PTPN13: variants seen among roughly 807,000 people sequenced by gnomAD.
PTPN13 encodes tyrosine-protein phosphatase non-receptor type 13.
PTPN13 carries 191 observed loss-of-function variants against 284.0 expected under a neutral mutation model. The ratio of observed to expected loss-of-function variants is 0.67; its 90% CI spans 0.60 to 0.76. PTPN13 has a LOEUF of 0.76. PTPN13 is among the 30% of genes least tolerant of loss of function. PTPN13 has a pLI of 0.00. For missense variants in PTPN13, 2,797 were observed against 2,939.9 expected (o/e 0.95, Z 1.12); for synonymous variants, 986 against 1,022.3 (o/e 0.96, Z 0.68).
intron 1 of PTPN13, among the ~76,000 whole-genome samples, chr4:86,624,552 A>G (rs1721618531): frequency 6.6e-6 from 1 of 152,182 alleles, no homozygotes; most frequent in Non-Finnish European, 1.5e-5. Context: ...GAGCATGGTA[A>G]GGAAGTATTC....
chr4:86,694,559 CAA>C (rs1464427536), intron 6 of PTPN13, among the ~76,000 whole-genome samples: 8 of 52,064 alleles, frequency 1.5e-4, no homozygotes, highest in Admixed American at 1.5e-3. Flanking sequence ...GCCTGGGCAA[CAA>C]AGAGTGAACT....
chr4:86,667,388 T>C (rs534112313), intron 2 of PTPN13, among the ~76,000 whole-genome samples: 7 of 152,354 alleles, frequency 4.6e-5, no homozygotes, highest in African/African-American at 1.7e-4. Context: ...TTATCCTTTA[T>C]GGTATCAGAG....
intron 46 of PTPN13, among the ~76,000 whole-genome samples, 163 bp downstream of exon 46, chr4:86,810,147 T>C (rs1448714178): frequency 6.6e-6 from 1 of 152,228 alleles, no homozygotes; most frequent in Non-Finnish European, 1.5e-5. Context: ...TTTGTAAACA[T>C]TGGTATTCAA....
In PTPN13 at chr4:86,762,961, G is replaced by A. The variant is rs1738875003; in HGVS notation, c.3788G>A (p.Gly1263Asp). 3.1e-6 allele frequency: 5 copies of A among 1,613,676 alleles called. No individual in the cohort carries two copies. Among genetic ancestry groups the A allele is most frequent in the Non-Finnish European group, 4.2e-6 (5 of 1,179,834 alleles). Residue 1263 changes from glycine to aspartate, a missense_variant, in exon 24 of 48, where the codon GGT becomes GAT. By Grantham distance (94) the Gly-to-Asp change is moderately conservative. Transcript: ENST00000411767. ...SASLSQSQVNGFFASHLGDQT... is the reference protein window; with the variant it reads ...SASLSQSQVNDFFASHLGDQT... ...AGCTTGTCTCAAAGCCAGGTCAATG[G>A]TTTCTTTGCCAGCCATTTAGGTGAC...
At chr4:86,720,896 C>G (rs979284340) in intron 9 of PTPN13, among the ~76,000 whole-genome samples, 1 of 152,010 alleles carries the variant, frequency 6.6e-6, no homozygotes, top group African/African-American at 2.4e-5. Context: ...TTATACTGAG[C>G]TATCAAAAGC....
At chr4:86,792,571 G>A (rs190575160) in intron 40 of PTPN13, among the ~76,000 whole-genome samples, 16 of 151,624 alleles carry the variant, frequency 1.1e-4, no homozygotes, top group African/African-American at 3.9e-4. Context: ...TTCACCAAGG[G>A]TGCAATGAAG....
chr4:86,772,568 A>C (rs918437253), intron 31 of PTPN13, among the ~76,000 whole-genome samples: 8 of 152,086 alleles, frequency 5.3e-5, no homozygotes, highest in African/African-American at 9.7e-5. Context: ...ACAACAACAA[A>C]AAAAACCTAG....
At chr4:86,807,494 A>G (rs1020020131) in intron 44 of PTPN13, 66 bp from the exon 45 acceptor site, 2 of 1,223,780 alleles carry the variant, frequency 1.6e-6, no homozygotes, top group African/African-American at 1.5e-5. Flanking sequence ...GACTCATGCA[A>G]TTTGTAAGAC....
intron 23 of PTPN13, among the ~76,000 whole-genome samples, chr4:86,759,384 C>A (rs1302908674): frequency 1.3e-5 from 2 of 152,224 alleles, no homozygotes; most frequent in Non-Finnish European, 2.9e-5. Context: ...TTATCCCAGT[C>A]TTCAGTGGCT....
intron 45 of PTPN13, 82 bp downstream of exon 45, chr4:86,807,979 A>G (rs186895096): frequency 5.1e-5 from 61 of 1,207,006 alleles, no homozygotes; most frequent in East Asian, 4.6e-4. Context: ...TGATTGCACC[A>G]ATGTTATTTC....
chr4:86,613,973 GGAA>G (rs1275133808), intron 1 of PTPN13, among the ~76,000 whole-genome samples: 1 of 152,112 alleles, frequency 6.6e-6, no homozygotes, highest in Non-Finnish European at 1.5e-5. Context: ...CAGTGGAAAT[GGAA>G]GAAGAATATC....
chr4:86,709,658 A>G (rs982948006), intron 7 of PTPN13, among the ~76,000 whole-genome samples: 2 of 152,024 alleles, frequency 1.3e-5, no homozygotes, highest in Non-Finnish European at 1.5e-5. Flanking sequence ...TTCCTATTGA[A>G]CTCTGTACTC....
Position 86,762,856 on chromosome 4 carries a change from T to A in PTPN13, c.3683T>A (p.Ile1228Asn), listed in dbSNP as rs1392310339. The change falls in exon 24 of 48, where the codon ATC becomes AAC. Residue 1228 changes from isoleucine (I) to asparagine (N), a missense_variant. By Grantham distance (149) the Ile-to-Asn change is moderately radical. Coordinates refer to ENST00000411767, the MANE Select transcript of PTPN13 (RefSeq NM_080683.3). Reference protein sequence around the residue: ...HHWSRGTLRHISENSFGPSGG... With the variant: ...HHWSRGTLRHNSENSFGPSGG... ...TGGTCACGTGGTACCCTGAGGCACA[T>A]CTCGGAGAACTCCTTTGGGCCATCT... 1.9e-6 allele frequency: 3 copies of A among 1,613,790 alleles called. No individual in the cohort carries two copies. The Admixed American group carries it at 5.0e-5, about 27-fold the overall frequency.
intron 43 of PTPN13, 146 bp downstream of exon 43, chr4:86,804,003 T>A: frequency 3.7e-6 from 3 of 815,394 alleles, no homozygotes; most frequent in Non-Finnish European, 3.7e-6. Flanking sequence ...AGCAGAAAAT[T>A]AATTTTTCTG....
chr4:86,767,267 T>C (rs967954970), intron 27 of PTPN13, among the ~76,000 whole-genome samples: 1 of 135,542 alleles, frequency 7.4e-6, no homozygotes, highest in African/African-American at 2.8e-5. Context: ...TTAATTGAGA[T>C]GGAATTTCGC....
At chr4:86,752,145 G>A (rs573779555) in intron 19 of PTPN13, among the ~76,000 whole-genome samples, 7 of 152,220 alleles carry the variant, frequency 4.6e-5, no homozygotes, top group South Asian at 4.1e-4. Flanking sequence ...ATGAAACAGC[G>A]TGGGAAACAA....
intron 1 of PTPN13, among the ~76,000 whole-genome samples, chr4:86,615,077 T>C (rs56150118): frequency 0.16 from 23,620 of 152,120 alleles, 2,335 homozygotes; most frequent in East Asian, 0.3. Context: ...TTAATGGACC[T>C]ATTAGTTGTA....
At chr4:86,693,511 C>A in intron 5 of PTPN13, 76 bp from the exon 6 acceptor site, 1 of 880,522 alleles carries the variant, frequency 1.1e-6, no homozygotes, top group Non-Finnish European at 1.7e-6. Context: ...TAACTAGTGT[C>A]ATTCTGTAAA....
chr4:86,715,127 G>A (rs936135081), intron 7 of PTPN13, among the ~76,000 whole-genome samples: 5 of 152,250 alleles, frequency 3.3e-5, no homozygotes, highest in Non-Finnish European at 5.9e-5. Context: ...AGTAACACAG[G>A]TACAGAATTC....
Sources: gnomAD v4.1 joint callset for allele counts (sites outside exome capture counted in the v4.1 genomes callset) on GRCh38, gnomAD v4.1.1 for gene constraint, MANE v1.5 for transcripts, NCBI Gene and HGNC (gene_info 2026-07-23, HGNC 2026-07-21) for gene names.